GAB3: variants seen among roughly 807,000 people sequenced by gnomAD.
GAB3 encodes GRB2-associated-binding protein 3.
A neutral mutation model predicts 40.4 loss-of-function variants in GAB3; 12 were observed. The observed-to-expected ratio is 0.30, with a 90% CI of 0.19 to 0.48. GAB3 has a LOEUF of 0.48. Ranked by LOEUF, GAB3 falls within the 20% of genes least tolerant of loss-of-function variation. The pLI, the probability that GAB3 is intolerant of heterozygous loss-of-function variation, is 0.99. For synonymous variants in GAB3, 154 were observed against 176.7 expected, an observed-to-expected ratio of 0.87 and a Z score of 1.02; for missense variants, 381 against 461.9, an observed-to-expected ratio of 0.82 and a Z score of 1.61.
chrX:154,700,187 C>T (rs961591396), intron 4 of GAB3, 128 bp from the exon 5 acceptor site: 1 of 471,587 alleles, frequency 2.1e-6, no homozygotes, highest in African/African-American at 2.5e-5. Flanking sequence ...GAACACATTT[C>T]CCCAACAGAT....
chrX:154,751,447 G>A (rs1603428881), upstream of GAB3: 1 of 675,537 alleles, frequency 1.5e-6, no homozygotes, highest in East Asian at 1.6e-4. Context: ...CAAACGGGCT[G>A]GTCCCTGGGT....
chrX:154,742,106 T>A (rs2071450803), intron 1 of GAB3, among the ~76,000 whole-genome samples: 1 of 111,597 alleles, frequency 9.0e-6, no homozygotes, highest in African/African-American at 3.3e-5. Flanking sequence ...TCTAGGTAAT[T>A]CCCAAATATT....
At chrX:154,690,253 T>C (rs1319968889) in intron 8 of GAB3, among the ~76,000 whole-genome samples, 1 of 111,078 alleles carries the variant, frequency 9.0e-6, no homozygotes, top group African/African-American at 3.3e-5. Flanking sequence ...TTACACCTTA[T>C]ACAAAAATTA....
intron 1 of GAB3, among the ~76,000 whole-genome samples, chrX:154,725,668 G>C (rs1557259307): frequency 1.8e-5 from 2 of 110,208 alleles, no homozygotes; most frequent in East Asian, 5.7e-4. Flanking sequence ...TGAGACTTTG[G>C]CTGAATACTA....
intron 1 of GAB3, among the ~76,000 whole-genome samples, chrX:154,745,705 C>T (rs1455325716): frequency 5.4e-5 from 6 of 111,866 alleles, no homozygotes; most frequent in Non-Finnish European, 7.5e-5. Flanking sequence ...AAGACACTAA[C>T]GACACTCATT....
intron 1 of GAB3, among the ~76,000 whole-genome samples, chrX:154,724,183 C>T (rs1190939972): frequency 1.8e-5 from 2 of 109,686 alleles, no homozygotes; most frequent in Non-Finnish European, 3.8e-5. Flanking sequence ...CCCGTCTCTA[C>T]TAAAAATACA....
At chrX:154,687,222 C>T (rs1193135642) in intron 8 of GAB3, among the ~76,000 whole-genome samples, 1 of 109,064 alleles carries the variant, frequency 9.2e-6, no homozygotes, top group Non-Finnish European at 1.9e-5. Context: ...ACAAAAAAAA[C>T]AAAAACCAAT....
intron 1 of GAB3, among the ~76,000 whole-genome samples, chrX:154,741,675 CAAAAAAA>C (rs1206111123): frequency 3.8e-4 from 10 of 26,508 alleles, no homozygotes; most frequent in Admixed American, 3.2e-3. Flanking sequence ...GACTCCATCT[CAAAAAAA>C]AAAAAAAAAA....
At chrX:154,682,244 C>T (rs2070384401) in intron 8 of GAB3, among the ~76,000 whole-genome samples, 1 of 111,722 alleles carries the variant, frequency 9.0e-6, no homozygotes, top group Non-Finnish European at 1.9e-5. Flanking sequence ...ATTTATTTTA[C>T]TAACTTAGTA....
chrX:154,745,822 C>G (rs1392707828), intron 1 of GAB3, among the ~76,000 whole-genome samples: 4 of 110,988 alleles, frequency 3.6e-5, no homozygotes, highest in African/African-American at 1.3e-4. Flanking sequence ...GAGGCCGAAG[C>G]GGGTGGATCA....
chrX:154,744,374 C>T (rs188545055), intron 1 of GAB3, among the ~76,000 whole-genome samples: 3 of 110,668 alleles, frequency 2.7e-5, no homozygotes, highest in Non-Finnish European at 5.7e-5. Context: ...AAGCTATTAT[C>T]AAAAAGACAA....
intron 1 of GAB3, among the ~76,000 whole-genome samples, chrX:154,724,286 G>A (rs1350859672): frequency 1.8e-5 from 2 of 110,193 alleles, no homozygotes; most frequent in African/African-American, 6.6e-5. Context: ...GGAGGTTGCA[G>A]TTAGCCGAGA....
chrX:154,720,422 C>T (rs782205902), intron 1 of GAB3, among the ~76,000 whole-genome samples: 9 of 110,422 alleles, frequency 8.2e-5, no homozygotes, highest in Non-Finnish European at 1.3e-4. Context: ...GTCAGGAGAT[C>T]GAGACCATCC....
intron 8 of GAB3, among the ~76,000 whole-genome samples, chrX:154,691,540 GA>G (rs1162505252): frequency 1.7e-4 from 19 of 111,987 alleles, no homozygotes; most frequent in African/African-American, 6.2e-4. Flanking sequence ...ATAAGTAAAT[GA>G]AAAGATATCT....
chrX:154,704,343 C>G (rs782543626), intron 4 of GAB3, among the ~76,000 whole-genome samples: 1 of 111,190 alleles, frequency 9.0e-6, no homozygotes, highest in African/African-American at 3.3e-5. Context: ...TTTGACCACA[C>G]AACAGGGTGA....
At chrX:154,735,816 C>T (rs1557260459) in intron 1 of GAB3, among the ~76,000 whole-genome samples, 1 of 112,170 alleles carries the variant, frequency 8.9e-6, no homozygotes, top group Non-Finnish European at 1.9e-5. Context: ...TAAAGTAAGG[C>T]CTCTACTCAC....
At chrX:154,722,560 T>C (rs2071150398) in intron 1 of GAB3, among the ~76,000 whole-genome samples, 1 of 112,216 alleles carries the variant, frequency 8.9e-6, no homozygotes. Flanking sequence ...TAAGGTCATG[T>C]TGTAAACTCC....
In GAB3 at chrX:154,750,997, C is replaced by T. The variant is rs1557262591; in HGVS notation, c.29G>A (p.Gly10Asp). 2 of 823,964 alleles carry T rather than the reference C, an allele frequency of 2.4e-6. No homozygotes were observed. The allele number at this position is 823,964 out of a possible 1,213,427, so 67.9% of individuals were successfully genotyped here. A position where few individuals can be genotyped will look rare whatever the true frequency, so the allele number is the denominator to read the frequency against. ...CTCGGGGGGCGACTTAACGAGCCAG[C>T]CGGTGCACACTGCGTCGCCCGCACT... is the stretch of plus-strand genomic sequence containing the variant. Reference protein sequence around the residue: MSAGDAVCTGWLVKSPPERK... With the variant: MSAGDAVCTDWLVKSPPERK... Residue 10 changes from glycine (G) to aspartate (D), a missense_variant, in exon 1 of 10, where the codon GGC (glycine) becomes GAC (aspartate). Around this residue, in one of 2 missense-constraint regions of GAB3, gnomAD observed 364 missense variants for 421.0 expected, o/e 0.86. Coordinates refer to ENST00000424127, the MANE Select transcript of GAB3 (RefSeq NM_001081573.3).
chrX:154,693,072 G>A (rs1270238165), intron 8 of GAB3, among the ~76,000 whole-genome samples: 2 of 111,652 alleles, frequency 1.8e-5, no homozygotes, highest in Non-Finnish European at 3.8e-5. Context: ...ATGCCCATTA[G>A]CAGATGAATG....
Sources: allele counts gnomAD v4.1 joint callset (sites outside exome capture counted in the v4.1 genomes callset), GRCh38; gene constraint gnomAD v4.1.1; regional missense constraint gnomAD v4.1.1; transcripts MANE v1.5; gene names NCBI Gene and HGNC (gene_info 2026-07-23, HGNC 2026-07-21).